Variants in PTPN4 observed in about 807,000 individuals in gnomAD.
PTPN4 encodes tyrosine-protein phosphatase non-receptor type 4.
In PTPN4, 49 loss-of-function variants were observed where a neutral mutation model predicts 135.5. That is an observed-to-expected ratio of 0.36 (90% CI 0.29 to 0.46). The LOEUF (loss-of-function observed/expected upper bound fraction) is 0.46. Among genes scored for constraint, PTPN4 ranks in the 20% least tolerant of loss-of-function variants. PTPN4 has a pLI of 1.00. For synonymous variants in PTPN4, 333 were observed against 369.9 expected (o/e 0.90, Z 1.14); for missense variants, 860 against 1,101.0 (o/e 0.78, Z 3.10).
chr2:119,893,463 G>C (rs1340639885), intron 9 of PTPN4, among the ~76,000 whole-genome samples: 1 of 152,218 alleles, frequency 6.6e-6, no homozygotes, highest in Non-Finnish European at 1.5e-5. Context: ...CGAAAGAGGG[G>C]TAGGCAATTC....
intron 1 of PTPN4, among the ~76,000 whole-genome samples, chr2:119,766,460 GTGTGT>G (rs1690628335): frequency 7.1e-6 from 1 of 140,058 alleles, no homozygotes; most frequent in Non-Finnish European, 1.5e-5. Context: ...GTGTGTGTGT[GTGTGT>G]GTGTGTGTGT....
rs1047108022 is a variant in PTPN4, at chr2:119,979,260, T to C, written c.*2190T>C. 7.2e-5 allele frequency: 11 copies of C among 152,116 alleles called. No individual in the cohort carries two copies. The highest frequency in any genetic ancestry group is 6.6e-5 in the Admixed American group (1 of 15,262). The allele number at this position is 152,116 out of a possible 1,614,324, so 9.4% of individuals were successfully genotyped here. A position where few individuals can be genotyped will look rare whatever the true frequency, so the allele number is the denominator to read the frequency against. Reference sequence around the variant, plus strand: ...TATGACAACCATAGACCAAAAGATATCATTGTATAGATGTAAAGAGACAAA... The same window carrying C: ...TATGACAACCATAGACCAAAAGATACCATTGTATAGATGTAAAGAGACAAA... On this transcript the variant is annotated 3_prime_UTR_variant, in exon 27 of 27. Coordinates refer to ENST00000263708, the MANE Select transcript of PTPN4 (RefSeq NM_002830.4).
At chr2:119,779,609 T>G (rs1690900295) in intron 1 of PTPN4, among the ~76,000 whole-genome samples, 2 of 138,500 alleles carry the variant, frequency 1.4e-5, no homozygotes, top group Middle Eastern at 4.1e-3. Context: ...AGAGCGAGAC[T>G]CCGTCTCAAA....
chr2:119,943,432 A>G (rs1439483725), intron 15 of PTPN4, among the ~76,000 whole-genome samples: 5 of 152,082 alleles, frequency 3.3e-5, no homozygotes, highest in Admixed American at 6.6e-5. Flanking sequence ...CTTACATTGT[A>G]TGTACATTAT....
At chr2:119,894,906 G>C (rs1678296929) in intron 9 of PTPN4, among the ~76,000 whole-genome samples, 1 of 152,142 alleles carries the variant, frequency 6.6e-6, no homozygotes, top group South Asian at 2.1e-4. Flanking sequence ...TTTTTTGCCT[G>C]AGTATGGGAA....
intron 12 of PTPN4, among the ~76,000 whole-genome samples, chr2:119,921,904 C>G (rs1430810892): frequency 6.6e-6 from 1 of 152,172 alleles, no homozygotes; most frequent in Non-Finnish European, 1.5e-5. Flanking sequence ...CTCTTACCCT[C>G]TGTTCAAATT....
intron 2 of PTPN4, among the ~76,000 whole-genome samples, chr2:119,859,527 C>A (rs1406098036): frequency 6.6e-6 from 1 of 152,176 alleles, no homozygotes; most frequent in Non-Finnish European, 1.5e-5. Flanking sequence ...TACCTTGTCT[C>A]CTGAATCTTC....
At chr2:119,889,455 T>A (rs1485883193) in intron 9 of PTPN4, among the ~76,000 whole-genome samples, 1 of 152,176 alleles carries the variant, frequency 6.6e-6, no homozygotes, top group African/African-American at 2.4e-5. Context: ...TCTTTCGTAT[T>A]TCTGTAGTAT....
At chr2:119,766,443 T>TGG (rs1553430820) in intron 1 of PTPN4, among the ~76,000 whole-genome samples, 2,666 of 109,394 alleles carry the variant, frequency 0.024, 89 homozygotes, top group African/African-American at 0.077. Context: ...TATGCGCATG[T>TGG]GCGCGCGTGT....
At chr2:119,835,434 C>T (rs114792372) in intron 2 of PTPN4, among the ~76,000 whole-genome samples, 2,194 of 152,132 alleles carry the variant, frequency 0.014, 48 homozygotes, top group African/African-American at 0.05. Flanking sequence ...CCACCCGCCT[C>T]GGTCCCGAAG....
intron 26 of PTPN4, among the ~76,000 whole-genome samples, chr2:119,968,630 A>G (rs887279143): frequency 6.6e-6 from 1 of 152,124 alleles, no homozygotes; most frequent in African/African-American, 2.4e-5. Context: ...TCTCTACTAA[A>G]AATGCAAAAA....
intron 1 of PTPN4, among the ~76,000 whole-genome samples, chr2:119,779,792 AG>A (rs1456778616): frequency 6.6e-6 from 1 of 152,094 alleles, no homozygotes; most frequent in Non-Finnish European, 1.5e-5. Context: ...GTCTCCCAGG[AG>A]AAGGGCAGTG....
intron 14 of PTPN4, 35 bp from the exon 15 acceptor site, chr2:119,934,765 A>G: frequency 1.3e-6 from 2 of 1,599,662 alleles, no homozygotes; most frequent in Non-Finnish European, 1.7e-6. Context: ...GAATTGAAGC[A>G]TATTTTTATT....
chr2:119,793,659 T>C (rs1691193604), intron 1 of PTPN4, among the ~76,000 whole-genome samples: 1 of 152,104 alleles, frequency 6.6e-6, no homozygotes, highest in African/African-American at 2.4e-5. Flanking sequence ...TAAGAAATTA[T>C]AAAAGTATTA....
At chr2:119,975,292 T>C (rs1050412631) in intron 26 of PTPN4, among the ~76,000 whole-genome samples, 29 of 152,148 alleles carry the variant, frequency 1.9e-4, no homozygotes, top group Non-Finnish European at 1.0e-4. Context: ...TTTTTTTCTT[T>C]TTTTGTAGAC....
In PTPN4 at chr2:119,881,347, G is replaced by A. The variant is rs532816067; in HGVS notation, c.369-439G>A. ...CATCTGATGATAAAATGATCAAAAC[G>A]CTGGCCTGTCCTTGTAGCTGGCTTT... On this transcript the variant is annotated intron_variant, in intron 5 of 26. Transcript: ENST00000263708. Among the ~76,000 whole-genome samples the A allele has an allele frequency of 2.6e-5, 4 of 152,266 alleles. No homozygotes were observed. The South Asian group carries it at 8.3e-4, about 32-fold the overall frequency.
At chr2:119,928,813 C>T (rs1257305050) in intron 13 of PTPN4, among the ~76,000 whole-genome samples, 1 of 151,882 alleles carries the variant, frequency 6.6e-6, no homozygotes, top group African/African-American at 2.4e-5. Flanking sequence ...GCGATGTGGT[C>T]ACTAGTTGTA....
At chr2:119,774,639 T>C (rs780605600) in intron 1 of PTPN4, among the ~76,000 whole-genome samples, 17 of 152,006 alleles carry the variant, frequency 1.1e-4, no homozygotes, top group Non-Finnish European at 1.5e-4. Flanking sequence ...CCAAGGATGG[T>C]TTGATAGTTT....
intron 2 of PTPN4, among the ~76,000 whole-genome samples, chr2:119,845,231 G>GGGGAGAGGGGGAGTGGGA: frequency 1.1e-5 from 1 of 93,732 alleles, no homozygotes; most frequent in East Asian, 3.0e-4. Flanking sequence ...GGGAGACCGT[G>GGGGAGAGGGGGAGTGGGA]GGGAGAGGGA....
Sources: gnomAD v4.1 joint callset for allele counts (sites outside exome capture counted in the v4.1 genomes callset) on GRCh38, gnomAD v4.1.1 for gene constraint, MANE v1.5 for transcripts, NCBI Gene and HGNC (gene_info 2026-07-23, HGNC 2026-07-21) for gene names.